Variants in ZDHHC20 observed in about 807,000 individuals in gnomAD.
The protein encoded by ZDHHC20 is palmitoyltransferase ZDHHC20.
ZDHHC20 carries 43 observed loss-of-function variants against 57.8 expected under a neutral mutation model. That is an observed-to-expected ratio of 0.74 (90% CI 0.58 to 0.96). ZDHHC20 has a LOEUF of 0.96. Among genes scored for constraint, ZDHHC20 ranks in the 40% least tolerant of loss-of-function variants. ZDHHC20 has a pLI of 0.00. For synonymous variants in ZDHHC20, 157 were observed against 153.0 expected (o/e 1.03, Z -0.19); for missense variants, 391 against 441.1 (o/e 0.89, Z 1.02).
chr13:21,388,285 T>G (rs1312577834), intron 8 of ZDHHC20, among the ~76,000 whole-genome samples: 2 of 152,214 alleles, frequency 1.3e-5, no homozygotes, highest in East Asian at 3.9e-4. Flanking sequence ...TTTTTTAATT[T>G]AAAAACAAGG....
At chr13:21,457,128 CCTT>C (rs1884993492) in intron 1 of ZDHHC20, among the ~76,000 whole-genome samples, 1 of 152,286 alleles carries the variant, frequency 6.6e-6, no homozygotes, top group South Asian at 2.1e-4. Flanking sequence ...GTTCATTTCT[CCTT>C]CTTTATTTGA....
At chr13:21,435,145 A>T (rs914946691) in intron 1 of ZDHHC20, among the ~76,000 whole-genome samples, 1 of 152,082 alleles carries the variant, frequency 6.6e-6, no homozygotes, top group Non-Finnish European at 1.5e-5. Context: ...CCTCGTATTT[A>T]TCTTATAAGT....
At chr13:21,439,397 G>A (rs1245409343) in intron 1 of ZDHHC20, among the ~76,000 whole-genome samples, 2 of 152,240 alleles carry the variant, frequency 1.3e-5, no homozygotes, top group Admixed American at 6.5e-5. Flanking sequence ...CTACTAAAGA[G>A]GCTGAGGCAG....
intron 9 of ZDHHC20, among the ~76,000 whole-genome samples, chr13:21,383,677 C>T (rs988653128): frequency 2.0e-5 from 3 of 152,088 alleles, no homozygotes; most frequent in African/African-American, 4.8e-5. Flanking sequence ...CATTCAGGCT[C>T]AAACTGAAAT....
intron 4 of ZDHHC20, among the ~76,000 whole-genome samples, chr13:21,410,805 G>T (rs1311980754): frequency 6.6e-6 from 1 of 152,198 alleles, no homozygotes; most frequent in Non-Finnish European, 1.5e-5. Flanking sequence ...GGTCTGTGGA[G>T]GTGGGATCTG....
intron 3 of ZDHHC20, among the ~76,000 whole-genome samples, chr13:21,415,258 G>C (rs1222525078): frequency 6.6e-6 from 1 of 152,176 alleles, no homozygotes; most frequent in African/African-American, 2.4e-5. Flanking sequence ...CGGGTCTTCT[G>C]TGTTCTACTC....
Position 21,376,547 on chromosome 13 carries a change from T to C in ZDHHC20, c.*149A>G. ...TGAATCCCAGGAACTGTACAAAGGCTTTCCGTTTTAAAAAATATATCTTCT... is the reference window on the plus strand; with the variant it reads ...TGAATCCCAGGAACTGTACAAAGGCCTTCCGTTTTAAAAAATATATCTTCT... On this transcript the variant is annotated 3_prime_UTR_variant, in exon 13 of 13. Coordinates refer to ENST00000400590, the MANE Select transcript of ZDHHC20 (RefSeq NM_001330059.2). The C allele has an allele frequency of 1.1e-6, 1 of 933,116 alleles. No homozygotes were observed. The highest frequency in any genetic ancestry group is 3.0e-5 in the East Asian group (1 of 33,082). 57.8% of individuals were successfully genotyped at this position (933,116 alleles called of 1,614,324 possible).
At chr13:21,382,801 T>A (rs1056750331) in intron 10 of ZDHHC20, 119 bp downstream of exon 10, 2 of 804,272 alleles carry the variant, frequency 2.5e-6, no homozygotes, top group Admixed American at 6.3e-5. Flanking sequence ...AATTTCTCTT[T>A]CCCTAACTAT....
chr13:21,415,968 C>T (rs904853876), intron 3 of ZDHHC20, among the ~76,000 whole-genome samples: 20 of 151,488 alleles, frequency 1.3e-4, no homozygotes, highest in Admixed American at 3.3e-4. Context: ...TTTGGGAGGC[C>T]GAAGCTGGTG....
Position 21,375,160 on chromosome 13 carries a change from G to T in ZDHHC20, c.*1536C>A, listed in dbSNP as rs1409479619. 2.2e-6 allele frequency: 1 copy of T among 456,472 alleles called. No homozygotes were observed. The highest frequency in any genetic ancestry group is 1.5e-5 in the South Asian group (1 of 64,562). 28.3% of individuals were successfully genotyped at this position (456,472 alleles called of 1,614,324 possible). Reference sequence around the variant, plus strand: ...AAAAGAAGAAAAAAATTTATTGGGTGAATGAAAAGTGATTTTGCAAAATTA... The same window carrying T: ...AAAAGAAGAAAAAAATTTATTGGGTTAATGAAAAGTGATTTTGCAAAATTA... On this transcript the variant is annotated 3_prime_UTR_variant, in exon 13 of 13. Transcript: ENST00000400590.
intron 3 of ZDHHC20, among the ~76,000 whole-genome samples, chr13:21,420,287 CAATA>C (rs1206149051): frequency 2.0e-5 from 3 of 152,200 alleles, no homozygotes; most frequent in Non-Finnish European, 2.9e-5. Flanking sequence ...AACTCCATCT[CAATA>C]AATAAATAAA....
At chr13:21,428,890 C>G (rs918959296) in intron 1 of ZDHHC20, among the ~76,000 whole-genome samples, 1 of 151,892 alleles carries the variant, frequency 6.6e-6, no homozygotes, top group East Asian at 1.9e-4. Context: ...AACAAAAGAA[C>G]AAAACAACAA....
At chr13:21,383,046 TAA>T in intron 9 of ZDHHC20, 37 bp from the exon 10 acceptor site, 1 of 1,516,028 alleles carries the variant, frequency 6.6e-7, no homozygotes, top group Admixed American at 2.0e-5. Flanking sequence ...TAAATAATGT[TAA>T]GTTAAATCAA....
intron 1 of ZDHHC20, among the ~76,000 whole-genome samples, chr13:21,426,581 T>C (rs1881272927): frequency 6.6e-6 from 1 of 151,760 alleles, no homozygotes; most frequent in African/African-American, 2.4e-5. Context: ...TCTACCTCTC[T>C]GGTTTCTTCC....
intron 8 of ZDHHC20, among the ~76,000 whole-genome samples, chr13:21,389,822 G>T (rs1432817321): frequency 2.0e-5 from 3 of 152,174 alleles, no homozygotes; most frequent in African/African-American, 7.2e-5. Context: ...GTTTTGAAAA[G>T]AAGAAATCTG....
chr13:21,407,574 G>A (rs1228018906), intron 4 of ZDHHC20, among the ~76,000 whole-genome samples: 1 of 152,122 alleles, frequency 6.6e-6, no homozygotes, highest in African/African-American at 2.4e-5. Context: ...TCTGTAGGTT[G>A]CCTGTTCACT....
chr13:21,387,794 A>G (rs1487503190), intron 8 of ZDHHC20, among the ~76,000 whole-genome samples, 160 bp from the exon 9 acceptor site: 1 of 152,200 alleles, frequency 6.6e-6, no homozygotes, highest in African/African-American at 2.4e-5. Context: ...AAATTTATGA[A>G]ACTTATTTTG....
At position 21,382,916 on chromosome 13, in the gene ZDHHC20, A is replaced by G. The variant is rs1472208903; in HGVS notation, c.944+4T>C. 2 of 1,555,532 alleles carry G rather than the reference A, an allele frequency of 1.3e-6. No homozygotes were observed. The highest frequency in any genetic ancestry group is 1.4e-5 in the African/African-American group (1 of 73,252). ...ATAGAAAAGCATAAGGACAATAAGC[A>G]TACCTTCTGGCATACTCATTCTGGT... On this transcript the variant is annotated splice_donor_region_variant and intron_variant, in intron 10 of 12. Coordinates refer to ENST00000400590, the MANE Select transcript of ZDHHC20 (RefSeq NM_001330059.2).
chr13:21,448,213 G>A (rs1352107984), intron 1 of ZDHHC20, among the ~76,000 whole-genome samples: 2 of 85,798 alleles, frequency 2.3e-5, no homozygotes, highest in African/African-American at 3.9e-5. Flanking sequence ...CCCCCCGCCC[G>A]GCCAGCTGCC....
Sources: allele counts gnomAD v4.1 joint callset (sites outside exome capture counted in the v4.1 genomes callset), GRCh38; gene constraint gnomAD v4.1.1; transcripts MANE v1.5; gene names NCBI Gene and HGNC (gene_info 2026-07-23, HGNC 2026-07-21).